Variants in PIP5K1B observed in about 807,000 individuals in gnomAD.
The protein encoded by PIP5K1B is phosphatidylinositol-4-phosphate 5-kinase type 1 beta, also known as phosphatidylinositol 4-phosphate 5-kinase type-1 beta.
PIP5K1B carries 42 observed loss-of-function variants against 67.0 expected under a neutral mutation model. The observed-to-expected ratio is 0.63, with a 90% CI of 0.49 to 0.81. PIP5K1B has a LOEUF of 0.81. PIP5K1B is among the 30% of genes least tolerant of loss of function. PIP5K1B has a pLI of 0.00. For missense variants in PIP5K1B, 459 were observed against 646.3 expected, an observed-to-expected ratio of 0.71 and a Z score of 3.14; for synonymous variants, 214 against 231.4, an observed-to-expected ratio of 0.92 and a Z score of 0.68.
intron 1 of PIP5K1B, among the ~76,000 whole-genome samples, chr9:68,738,931 T>C (rs928581956): frequency 1.3e-5 from 2 of 152,172 alleles, no homozygotes; most frequent in Non-Finnish European, 2.9e-5. Context: ...GGCCCATGCC[T>C]CAACATTTCT....
chr9:68,914,326 A>G (rs778161774), intron 8 of PIP5K1B, among the ~76,000 whole-genome samples: 22 of 152,172 alleles, frequency 1.4e-4, no homozygotes, highest in Non-Finnish European at 2.6e-4. Context: ...CATCCACAGT[A>G]TTGTCAGAGT....
intron 1 of PIP5K1B, among the ~76,000 whole-genome samples, chr9:68,708,742 AC>A (rs1325046403): frequency 2.6e-5 from 4 of 152,108 alleles, no homozygotes; most frequent in African/African-American, 9.7e-5. Context: ...AACAAAACCA[AC>A]CTAGTTTCTG....
At chr9:68,887,920 G>T (rs901637299) in intron 6 of PIP5K1B, among the ~76,000 whole-genome samples, 22 of 151,714 alleles carry the variant, frequency 1.5e-4, no homozygotes, top group Non-Finnish European at 8.8e-5. Flanking sequence ...TGTGCAGGCT[G>T]TGCACTGCTC....
At chr9:68,910,372 C>T (rs534010067) in intron 8 of PIP5K1B, among the ~76,000 whole-genome samples, 5 of 152,240 alleles carry the variant, frequency 3.3e-5, no homozygotes, top group East Asian at 3.9e-4. Context: ...ACACAGAGCA[C>T]ATAATCACAG....
At chr9:68,710,018 A>G (rs1054125552) in intron 1 of PIP5K1B, among the ~76,000 whole-genome samples, 1 of 152,268 alleles carries the variant, frequency 6.6e-6, no homozygotes, top group East Asian at 1.9e-4. Flanking sequence ...TGGTAAAGTC[A>G]TAAATATGTA....
chr9:68,825,771 A>C (rs1833946269), intron 4 of PIP5K1B, among the ~76,000 whole-genome samples: 1 of 152,210 alleles, frequency 6.6e-6, no homozygotes, highest in Non-Finnish European at 1.5e-5. Context: ...TTTAGAACAC[A>C]GTAGTCTATA....
At chr9:69,006,093 G>C (rs572074296) in intron 15 of PIP5K1B, among the ~76,000 whole-genome samples, 18 of 152,106 alleles carry the variant, frequency 1.2e-4, no homozygotes, top group Non-Finnish European at 2.6e-4. Context: ...GTCTCACTAT[G>C]TGGCCAAGGC....
chr9:68,915,857 G>A (rs979031974), intron 8 of PIP5K1B, among the ~76,000 whole-genome samples: 8 of 152,134 alleles, frequency 5.3e-5, no homozygotes, highest in African/African-American at 1.9e-4. Flanking sequence ...CTCATTGATG[G>A]CAAAGATGCC....
intron 14 of PIP5K1B, among the ~76,000 whole-genome samples, chr9:68,952,586 A>G (rs1198769185): frequency 6.6e-6 from 1 of 152,202 alleles, no homozygotes; most frequent in Non-Finnish European, 1.5e-5. Context: ...AATATTTGAG[A>G]TCTTGCATGT....
At chr9:68,991,011 T>C in intron 14 of PIP5K1B, 129 bp from the exon 15 acceptor site, 1 of 676,910 alleles carries the variant, frequency 1.5e-6, no homozygotes, top group Non-Finnish European at 2.7e-6. Context: ...GGCATAACCA[T>C]ATTTCCTTCA....
At chr9:68,941,879 C>G (rs1208952726) in intron 14 of PIP5K1B, among the ~76,000 whole-genome samples, 1 of 152,116 alleles carries the variant, frequency 6.6e-6, no homozygotes, top group Non-Finnish European at 1.5e-5. Flanking sequence ...TTGCTGTTTC[C>G]TCCTCCCTCA....
At chr9:68,713,103 A>G (rs1022106032) in intron 1 of PIP5K1B, among the ~76,000 whole-genome samples, 5 of 152,250 alleles carry the variant, frequency 3.3e-5, no homozygotes, top group African/African-American at 1.2e-4. Flanking sequence ...AGAATTTGTT[A>G]GAAATGCAGA....
chr9:68,963,042 G>A (rs564794036), intron 14 of PIP5K1B: 5 of 350,978 alleles, frequency 1.4e-5, no homozygotes, highest in Admixed American at 1.0e-4. Flanking sequence ...TCATTGCATC[G>A]ATGAAAGAAA....
chr9:68,740,574 A>G (rs1828955999), intron 1 of PIP5K1B, among the ~76,000 whole-genome samples: 1 of 152,218 alleles, frequency 6.6e-6, no homozygotes, highest in South Asian at 2.1e-4. Flanking sequence ...TCTTCTATGC[A>G]ATGCGGGAGT....
At chr9:68,980,724 G>A (rs1371874831) in intron 14 of PIP5K1B, among the ~76,000 whole-genome samples, 1 of 152,164 alleles carries the variant, frequency 6.6e-6, no homozygotes, top group East Asian at 1.9e-4. Flanking sequence ...AGTAATCAGA[G>A]ACGCAGAGCT....
chr9:68,720,086 A>G (rs1223072206), intron 1 of PIP5K1B, among the ~76,000 whole-genome samples: 1 of 152,246 alleles, frequency 6.6e-6, no homozygotes, highest in Non-Finnish European at 1.5e-5. Flanking sequence ...CACCTAGAAC[A>G]GTGTCCAGCA....
Position 68,822,683 on chromosome 9 carries a change from G to A in PIP5K1B, c.69G>A (p.Lys23=). The change falls in exon 4 of 16, where the codon AAG becomes AAA. Residue 23 remains lysine, a splice_region_variant and synonymous_variant. Transcript: ENST00000265382. ...GKQNEEKTYK[K]TASSAIKGAI... ...AAAATGAAGAAAAAACCTATAAAAA[G>A]GTGAGTGTGCATTTTATTTTCTAAA... is the stretch of plus-strand genomic sequence containing the variant. 1.9e-6 allele frequency: 3 copies of A among 1,606,286 alleles called. No individual in the cohort carries two copies. In the Admixed American group the frequency reaches 5.0e-5, roughly 27 times the overall value.
At chr9:68,770,819 G>T (rs773868725) in intron 2 of PIP5K1B, among the ~76,000 whole-genome samples, 2 of 152,166 alleles carry the variant, frequency 1.3e-5, no homozygotes, top group Non-Finnish European at 2.9e-5. Flanking sequence ...AAATGTTGGG[G>T]ACCGCTGCTG....
intron 2 of PIP5K1B, among the ~76,000 whole-genome samples, chr9:68,759,490 C>T (rs1203354021): frequency 6.6e-6 from 1 of 151,848 alleles, no homozygotes; most frequent in South Asian, 2.1e-4. Context: ...AAAAAATATA[C>T]AAGTAACCCA....
Sources: allele counts gnomAD v4.1 joint callset (sites outside exome capture counted in the v4.1 genomes callset), GRCh38; gene constraint gnomAD v4.1.1; transcripts MANE v1.5; gene names NCBI Gene and HGNC (gene_info 2026-07-23, HGNC 2026-07-21).